Variants in PCDHA4 observed in about 807,000 individuals in gnomAD.
PCDHA4 encodes protocadherin alpha-4.
PCDHA4 carries 49 observed loss-of-function variants against 61.4 expected under a neutral mutation model. The ratio of observed to expected loss-of-function variants is 0.80; its 90% CI spans 0.63 to 1.01. The LOEUF (loss-of-function observed/expected upper bound fraction) is 1.01, where lower values mean the gene tolerates loss of function less well. PCDHA4 is among the 50% of genes least tolerant of loss of function. The pLI, the probability that PCDHA4 is intolerant of heterozygous loss-of-function variation, is 0.00. For missense variants in PCDHA4, 1,254 were observed against 1,235.8 expected (o/e 1.01, Z -0.22); for synonymous variants, 590 against 550.3 (o/e 1.07, Z -1.01).
intron 3 of PCDHA4, among the ~76,000 whole-genome samples, chr5:140,987,370 A>G (rs183202119): frequency 5.2e-4 from 79 of 152,328 alleles, no homozygotes; most frequent in East Asian, 3.9e-4. Context: ...TTATATCATT[A>G]CAGGGTCAGA....
At chr5:141,003,536 C>T (rs1409675219) in intron 3 of PCDHA4, among the ~76,000 whole-genome samples, 1 of 152,152 alleles carries the variant, frequency 6.6e-6, no homozygotes, top group Non-Finnish European at 1.5e-5. Context: ...TGGTCTTGAA[C>T]TCCTGGCTTC....
intron 1 of PCDHA4, chr5:140,883,658 G>T (rs573544891): frequency 6.2e-7 from 1 of 1,613,994 alleles, no homozygotes; most frequent in Non-Finnish European, 8.5e-7. Context: ...CACGGTGTTC[G>T]TGAAGGAAAA....
At position 140,929,318 on chromosome 5, in the gene PCDHA4, A is replaced by G. The variant is rs78197291; in HGVS notation, c.2386-49631A>G. The G allele has an allele frequency of 3.9e-4, 606 of 1,545,240 alleles. 3 individuals carry two copies. The African/African-American group carries it at 7.7e-3, about 20-fold the overall frequency. ...AGGAAAGGGGATCACGCTAATGTCA[A>G]TGCCATGGTAAGCAAATTTTATGGA... On this transcript the variant is annotated intron_variant, in intron 1 of 3. Coordinates refer to ENST00000530339, the MANE Select transcript of PCDHA4 (RefSeq NM_018907.4).
At chr5:140,856,629 T>C (rs782588371) in intron 1 of PCDHA4, 2 of 1,598,078 alleles carry the variant, frequency 1.3e-6, no homozygotes, top group African/African-American at 2.7e-5. Flanking sequence ...CCAGTGCTTG[T>C]TCTGCGGAAG....
intron 3 of PCDHA4, among the ~76,000 whole-genome samples, chr5:140,983,914 AGGATT>A (rs1327360241): frequency 6.6e-6 from 1 of 152,244 alleles, no homozygotes; most frequent in Non-Finnish European, 1.5e-5. Flanking sequence ...CTAATCAGCC[AGGATT>A]TGCTATTTAT....
In PCDHA4 at chr5:140,911,678, G is replaced by A. The variant is rs551063911; in HGVS notation, c.2386-67271G>A. ...CTAAACTCCTTGCCTCTCACGAACCGTGCATCAGGAGTGTCAAATGAATTT... is the reference window on the plus strand; with the variant it reads ...CTAAACTCCTTGCCTCTCACGAACCATGCATCAGGAGTGTCAAATGAATTT... On this transcript the variant is annotated intron_variant, in intron 1 of 3. Coordinates refer to ENST00000530339, the MANE Select transcript of PCDHA4 (RefSeq NM_018907.4). Among the ~76,000 whole-genome samples the A allele has an allele frequency of 7.9e-5, 12 of 152,234 alleles. No homozygotes were observed. The South Asian group carries it at 1.2e-3, about 16-fold the overall frequency.
intron 1 of PCDHA4, among the ~76,000 whole-genome samples, chr5:140,907,645 T>C (rs2073515740): frequency 1.3e-5 from 2 of 152,328 alleles, no homozygotes; most frequent in South Asian, 4.1e-4. Flanking sequence ...TGCTGGCAAA[T>C]TGGGCACTCA....
chr5:140,936,091 C>T (rs782416143), intron 1 of PCDHA4, among the ~76,000 whole-genome samples: 2 of 152,046 alleles, frequency 1.3e-5, no homozygotes, highest in Non-Finnish European at 2.9e-5. Flanking sequence ...CAGGGTTTCA[C>T]CATGTTGGCC....
intron 3 of PCDHA4, among the ~76,000 whole-genome samples, chr5:141,000,421 A>ATATAT (rs1265241806): frequency 3.6e-5 from 1 of 27,980 alleles, no homozygotes; most frequent in East Asian, 1.4e-3. Flanking sequence ...ATATATATAT[A>ATATAT]TTTTTTTTTT....
chr5:140,929,085 G>A, intron 1 of PCDHA4: 1 of 1,614,174 alleles, frequency 6.2e-7, no homozygotes, highest in Non-Finnish European at 8.5e-7. Flanking sequence ...GAAGTAAGAT[G>A]GTTTCAAATC....
At chr5:140,854,583 A>T (rs1554147343) in intron 1 of PCDHA4, 1 of 149,916 alleles carries the variant, frequency 6.7e-6, no homozygotes, top group African/African-American at 2.4e-5. Flanking sequence ...AGATTTTAAT[A>T]AAAAAAGTTT....
chr5:140,857,869 G>T (rs782395924), intron 1 of PCDHA4: 3 of 1,597,830 alleles, frequency 1.9e-6, no homozygotes, highest in Admixed American at 1.7e-5. Flanking sequence ...CGTGGCTGTC[G>T]TATGAATTGC....
chr5:140,852,773 T>C, intron 1 of PCDHA4: 3 of 981,330 alleles, frequency 3.1e-6, no homozygotes, highest in East Asian at 1.1e-4. Context: ...GATTATTTGA[T>C]GTGAATAGAG....
chr5:140,997,817 A>G (rs570760153), intron 3 of PCDHA4, among the ~76,000 whole-genome samples: 2 of 152,306 alleles, frequency 1.3e-5, no homozygotes, highest in South Asian at 4.1e-4. Flanking sequence ...GTTGGTATCT[A>G]TGTTTTCTAA....
intron 1 of PCDHA4, among the ~76,000 whole-genome samples, chr5:140,963,059 A>G (rs1307714661): frequency 6.6e-6 from 1 of 152,162 alleles, no homozygotes; most frequent in Non-Finnish European, 1.5e-5. Context: ...GGGTTTCTAC[A>G]TTGTGAAGGA....
intron 1 of PCDHA4, among the ~76,000 whole-genome samples, chr5:140,820,054 G>A (rs2150105641): frequency 1.3e-5 from 2 of 151,784 alleles, no homozygotes; most frequent in Non-Finnish European, 2.9e-5. Flanking sequence ...TTATATAATA[G>A]AAAGTGGCTA....
chr5:140,968,643 A>G (rs2096261293), intron 1 of PCDHA4: 1 of 1,614,198 alleles, frequency 6.2e-7, no homozygotes. Context: ...CATCTAGCCC[A>G]GACTTCTGAC....
At chr5:140,836,565 T>G (rs2150264210) in intron 1 of PCDHA4, 7 of 1,613,616 alleles carry the variant, frequency 4.3e-6, no homozygotes, top group African/African-American at 1.3e-5. Flanking sequence ...AGCGCCGTCC[T>G]CTGAGGGCGC....
rs2150153132 is a variant in PCDHA4, at chr5:140,828,254, G to A, written c.2385+18682G>A. ...CCGGATCGCGCAGGACCTGGGGCTG[G>A]AGCTGGCGGAGCTGGTGCCGCGCCT... On this transcript the variant is annotated intron_variant, in intron 1 of 3. Transcript: ENST00000530339. 5 of 1,613,996 alleles carry A rather than the reference G, an allele frequency of 3.1e-6. No homozygotes were observed. In the Admixed American group the frequency reaches 8.3e-5, roughly 27 times the overall value.
Sources: allele counts gnomAD v4.1 joint callset (sites outside exome capture counted in the v4.1 genomes callset), GRCh38; gene constraint gnomAD v4.1.1; transcripts MANE v1.5; gene names NCBI Gene and HGNC (gene_info 2026-07-23, HGNC 2026-07-21).